Variants in CRACD observed in about 807,000 individuals in gnomAD.
The protein encoded by CRACD is capping protein inhibiting regulator of actin dynamics, also known as capping protein-inhibiting regulator of actin dynamics.
CRACD carries 56 observed loss-of-function variants against 106.8 expected under a neutral mutation model. The observed-to-expected ratio is 0.52, with a 90% CI of 0.42 to 0.66. The LOEUF (loss-of-function observed/expected upper bound fraction) is 0.66. Ranked by LOEUF, CRACD falls within the 30% of genes least tolerant of loss-of-function variation. The pLI, the probability that CRACD is intolerant of heterozygous loss-of-function variation, is 0.00. For synonymous variants in CRACD, 754 were observed against 670.8 expected (o/e 1.12, Z -1.92); for missense variants, 1,730 against 1,623.2 (o/e 1.07, Z -1.13).
At chr4:56,287,667 T>C (rs1025918721) in intron 3 of CRACD, among the ~76,000 whole-genome samples, 2 of 152,172 alleles carry the variant, frequency 1.3e-5, no homozygotes, top group African/African-American at 4.8e-5. Flanking sequence ...GTTCAAACTA[T>C]TCTCCCTGCT....
At chr4:56,078,797 G>A (rs1043503135) in intron 1 of CRACD, among the ~76,000 whole-genome samples, 2 of 152,162 alleles carry the variant, frequency 1.3e-5, no homozygotes, top group Non-Finnish European at 2.9e-5. Flanking sequence ...ATCAGGATAT[G>A]CCTGGTGGGG....
intron 1 of CRACD, among the ~76,000 whole-genome samples, chr4:56,107,074 G>A (rs1025947801): frequency 6.6e-6 from 1 of 152,120 alleles, no homozygotes; most frequent in African/African-American, 2.4e-5. Flanking sequence ...TGACCCAAGC[G>A]ATCCTCCCCC....
At position 56,316,045 on chromosome 4, in the gene CRACD, A is replaced by T. The variant is rs1471514138; in HGVS notation, c.2543A>T (p.Lys848Ile). 6.2e-7 allele frequency: 1 copy of T among 1,614,198 alleles called. No individual in the cohort carries two copies. Among genetic ancestry groups the T allele is most frequent in the East Asian group, 2.2e-5 (1 of 44,878 alleles). Residue 848 changes from lysine (K) to isoleucine (I), a missense_variant, in exon 8 of 11, where the codon AAA becomes ATA. Coordinates refer to ENST00000682029, the MANE Select transcript of CRACD (RefSeq NM_001393381.1). ...GAAAAAGCCTCACCGTTTGGAATAA[A>T]ATTGAGAAGGACCAACTATTCCTTG... ...GEEKASPFGI[K>I]LRRTNYSLRF... is the part of the protein sequence containing the mutation.
At position 56,261,248 on chromosome 4, in the gene CRACD, G is replaced by A. The variant is rs73817439; in HGVS notation, c.-188-11073G>A. ...TGAAACTCAAGCGGTGGCGGAAACC[G>A]GCAGTGGAAGGAAACACAACCCACA... is the stretch of plus-strand genomic sequence containing the variant. On this transcript the variant is annotated intron_variant, in intron 2 of 10. Transcript: ENST00000682029. Among the ~76,000 whole-genome samples, 124 of 152,258 alleles carry A rather than the reference G, an allele frequency of 8.1e-4. 2 individuals are homozygous for A. The highest frequency in any genetic ancestry group is 2.9e-3 in the African/African-American group (121 of 41,560).
chr4:56,254,084 T>TACAGAACATGTAGCATGTAAC (rs1741203055), intron 2 of CRACD, among the ~76,000 whole-genome samples: 1 of 143,138 alleles, frequency 7.0e-6, no homozygotes, highest in African/African-American at 2.7e-5. Flanking sequence ...TAGCAATTGT[T>TACAGAACATGTAGCATGTAAC]ATCTCTTTTG....
intron 1 of CRACD, among the ~76,000 whole-genome samples, chr4:56,175,748 TTTG>T (rs1440459048): frequency 2.0e-5 from 3 of 152,178 alleles, no homozygotes; most frequent in African/African-American, 7.2e-5. Flanking sequence ...TTTCTCTTCG[TTTG>T]TTGTTTTCCT....
intron 3 of CRACD, among the ~76,000 whole-genome samples, chr4:56,296,353 G>A (rs750461451): frequency 5.3e-5 from 8 of 151,978 alleles, no homozygotes; most frequent in African/African-American, 1.9e-4. Context: ...ATCAAAGTAA[G>A]GGTTGATGTT....
At position 56,194,563 on chromosome 4, in the gene CRACD, G is replaced by A. The variant is rs535514252; in HGVS notation, c.-189+15133G>A. On this transcript the variant is annotated intron_variant, in intron 2 of 10. Transcript: ENST00000682029. ...AGTATTAGGATATACAGCCTTTGGG[G>A]GGTGATTAGGCCATGAGGGCAGAGC... 3.3e-5 allele frequency among the ~76,000 whole-genome samples: 5 copies of A among 152,288 alleles called. No individual in the cohort carries two copies. In the South Asian group the frequency reaches 8.3e-4, roughly 25 times the overall value.
At chr4:56,225,217 G>A (rs111403922) in intron 2 of CRACD, among the ~76,000 whole-genome samples, 10,339 of 151,984 alleles carry the variant, frequency 0.068, 1,167 homozygotes, top group African/African-American at 0.24. Context: ...TCAGCCTCCC[G>A]GAGTAGCTGG....
intron 1 of CRACD, among the ~76,000 whole-genome samples, chr4:56,177,995 A>G (rs981703187): frequency 6.6e-5 from 10 of 152,044 alleles, no homozygotes; most frequent in East Asian, 3.8e-4. Context: ...TATTGTCTCA[A>G]TGTTATTTGT....
At chr4:56,069,678 G>C (rs922946308) in intron 1 of CRACD, among the ~76,000 whole-genome samples, 4 of 152,160 alleles carry the variant, frequency 2.6e-5, no homozygotes, top group Non-Finnish European at 4.4e-5. Flanking sequence ...ATATATCAGG[G>C]AAAGAAGAAA....
At chr4:56,142,440 T>TA (rs1441557862) in intron 1 of CRACD, among the ~76,000 whole-genome samples, 1 of 152,184 alleles carries the variant, frequency 6.6e-6, no homozygotes, top group Non-Finnish European at 1.5e-5. Context: ...GTCAGAAAAA[T>TA]ACCTGTTTCC....
At chr4:56,205,551 C>T (rs1008115990) in intron 2 of CRACD, among the ~76,000 whole-genome samples, 7 of 151,976 alleles carry the variant, frequency 4.6e-5, no homozygotes, top group African/African-American at 9.7e-5. Context: ...TAAGTACAAA[C>T]ATGCATATAT....
intron 2 of CRACD, among the ~76,000 whole-genome samples, chr4:56,234,193 A>G (rs1402419265): frequency 1.3e-5 from 2 of 152,056 alleles, no homozygotes; most frequent in East Asian, 1.9e-4. Flanking sequence ...CCATTATCCA[A>G]TTTTAGAGTT....
intron 4 of CRACD, among the ~76,000 whole-genome samples, chr4:56,306,714 G>T (rs1057210826): frequency 2.0e-5 from 3 of 152,110 alleles, no homozygotes; most frequent in Admixed American, 6.5e-5. Flanking sequence ...TCCTCTACTT[G>T]CAAATACTAT....
At chr4:56,237,745 CACACACACACACACACAAACACAT>C (rs1740064347) in intron 2 of CRACD, among the ~76,000 whole-genome samples, 2 of 151,634 alleles carry the variant, frequency 1.3e-5, no homozygotes, top group South Asian at 2.1e-4. Context: ...CACACACACA[CACACACACACACACACAAACACAT>C]ACACATACAC....
chr4:56,284,702 G>A (rs1743234582), intron 3 of CRACD, among the ~76,000 whole-genome samples: 1 of 151,690 alleles, frequency 6.6e-6, no homozygotes, highest in African/African-American at 2.4e-5. Flanking sequence ...CCCAGCCTGG[G>A]CTACAGAGTG....
chr4:56,211,630 C>T (rs1240014242), intron 2 of CRACD, among the ~76,000 whole-genome samples: 3 of 152,172 alleles, frequency 2.0e-5, no homozygotes, highest in African/African-American at 7.2e-5. Context: ...CACCCATGGT[C>T]GGGTGGTTTC....
chr4:56,055,069 C>T (rs974034787), intron 1 of CRACD, among the ~76,000 whole-genome samples: 65 of 152,046 alleles, frequency 4.3e-4, no homozygotes, highest in African/African-American at 1.5e-3. Flanking sequence ...CCACTAGAAA[C>T]GGTTGTTAGA....
Sources: allele counts gnomAD v4.1 joint callset (sites outside exome capture counted in the v4.1 genomes callset), GRCh38; gene constraint gnomAD v4.1.1; transcripts MANE v1.5; gene names NCBI Gene and HGNC (gene_info 2026-07-23, HGNC 2026-07-21).